The following CHURC1 variants were observed in gnomAD, a reference collection of about 807,000 sequenced individuals.
CHURC1 encodes the protein protein Churchill.
Under a neutral mutation model 15.4 loss-of-function variants are expected in CHURC1, and 12 were observed. That is an observed-to-expected ratio of 0.78 (90% CI 0.50 to 1.27). The LOEUF (loss-of-function observed/expected upper bound fraction) is 1.27. Ranked by LOEUF, CHURC1 falls within the 50% of genes most tolerant of loss-of-function variation. The probability of loss-of-function intolerance (pLI) is 0.00; values close to 1 mark genes in which losing one functional copy is unlikely to be tolerated. For missense variants in CHURC1, 132 were observed against 137.8 expected, an observed-to-expected ratio of 0.96 and a Z score of 0.21; for synonymous variants, 42 against 47.5, an observed-to-expected ratio of 0.88 and a Z score of 0.48.
chr14:64,917,994 A>C (rs1884010964), intron 1 of CHURC1, among the ~76,000 whole-genome samples: 1 of 152,254 alleles, frequency 6.6e-6, no homozygotes, highest in Non-Finnish European at 1.5e-5. Flanking sequence ...CTATGTAGAT[A>C]GATGAGTCAG....
intron 1 of CHURC1, among the ~76,000 whole-genome samples, chr14:64,916,894 A>G (rs1185888184): frequency 6.6e-6 from 1 of 152,188 alleles, no homozygotes; most frequent in African/African-American, 2.4e-5. Context: ...TGGATTCTTA[A>G]GAGTGGAGTT....
chr14:64,927,144 A>G lies in CHURC1; in HGVS notation c.246+1064A>G, dbSNP rs139606521. On this transcript the variant is annotated intron_variant, in intron 3 of 3. Transcript: ENST00000549115. ...TTCCATAGCAGAATCATAAGATAGT[A>G]AAACCCCTCTTATTCCTTATTTTAG... Among the ~76,000 whole-genome samples, 740 of 152,358 alleles carry G rather than the reference A, an allele frequency of 4.9e-3. 8 individuals carry two copies. The highest frequency in any genetic ancestry group is 0.016 in the African/African-American group (676 of 41,570).
At chr14:64,927,015 G>A (rs552763218) in intron 3 of CHURC1, among the ~76,000 whole-genome samples, 1 of 152,228 alleles carries the variant, frequency 6.6e-6, no homozygotes, top group Non-Finnish European at 1.5e-5. Flanking sequence ...CTACATATTT[G>A]TCCATAGGAT....
intron 1 of CHURC1, among the ~76,000 whole-genome samples, chr14:64,914,845 C>G (rs1241946371): frequency 1.3e-5 from 2 of 152,260 alleles, no homozygotes; most frequent in African/African-American, 4.8e-5. Flanking sequence ...CGGTCTCATC[C>G]TCAAGCTCGA....
chr14:64,914,678 C>T (rs1467991930), intron 1 of CHURC1, 144 bp downstream of exon 1: 3 of 1,462,042 alleles, frequency 2.1e-6, no homozygotes, highest in Non-Finnish European at 2.8e-6. Flanking sequence ...TTTAGGCACA[C>T]CAGGGATGGC....
intron 3 of CHURC1, chr14:64,930,781 T>C (rs1389217350): frequency 1.6e-5 from 7 of 440,958 alleles, no homozygotes; most frequent in East Asian, 7.0e-5. Context: ...CTTTTTTCCT[T>C]CTTCTTTTCC....
chr14:64,925,878 G>T, intron 2 of CHURC1, 132 bp from the exon 3 acceptor site: 1 of 541,756 alleles, frequency 1.8e-6, no homozygotes, highest in Non-Finnish European at 3.1e-6. Context: ...ATACTATAAT[G>T]GGTTTCCTCC....
In CHURC1 at chr14:64,933,875, C is replaced by G. The variant is rs1164826484; in HGVS notation, c.*1645C>G. 1.0e-5 allele frequency: 10 copies of G among 983,996 alleles called. No individual in the cohort carries two copies. The highest frequency in any genetic ancestry group is 1.2e-5 in the Non-Finnish European group (10 of 828,792). The allele number at this position is 983,996 out of a possible 1,614,324, so 61.0% of individuals were successfully genotyped here. ...TTAAGTACTTACTACATGCTAAGAG[C>G]TTTTTAAGCACTTATTTAATCCTCA... On this transcript the variant is annotated 3_prime_UTR_variant, in exon 4 of 4. Coordinates refer to ENST00000549115, the MANE Select transcript of CHURC1 (RefSeq NM_001386928.1).
chr14:64,933,686 T>A lies in CHURC1; in HGVS notation c.*1456T>A. 1 of 985,422 alleles carries A rather than the reference T, an allele frequency of 1.0e-6. No homozygotes were observed. Among genetic ancestry groups the A allele is most frequent in the Non-Finnish European group, 1.2e-6 (1 of 829,924 alleles). 61.0% of individuals were successfully genotyped at this position (985,422 alleles called of 1,614,324 possible). On this transcript the variant is annotated 3_prime_UTR_variant, in exon 4 of 4. Coordinates refer to ENST00000549115, the MANE Select transcript of CHURC1 (RefSeq NM_001386928.1). Reference sequence around the variant, plus strand: ...TTAGTGCTCATTCTGAGACCTAAATTTAAAGGGTCAGGCATTAGAAACAAA... The same window carrying A: ...TTAGTGCTCATTCTGAGACCTAAATATAAAGGGTCAGGCATTAGAAACAAA...
chr14:64,930,001 A>G (rs540769606), intron 3 of CHURC1, among the ~76,000 whole-genome samples: 2 of 151,784 alleles, frequency 1.3e-5, no homozygotes, highest in Non-Finnish European at 2.9e-5. Flanking sequence ...AGAAACTATG[A>G]GACTGCTTTC....
rs1253153031 is a variant in CHURC1 at position 64,932,728 on chromosome 14, T to G, written c.*498T>G. On this transcript the variant is annotated 3_prime_UTR_variant, in exon 4 of 4. Coordinates refer to ENST00000549115, the MANE Select transcript of CHURC1 (RefSeq NM_001386928.1). The stretch of plus-strand genomic sequence containing the variant: ...AAGGCCACAGCTGGAGCAATTTGAG[T>G]AACAAAATAAAGTAGTATTGGGTTA... 4 of 152,292 alleles carry G rather than the reference T, an allele frequency of 2.6e-5. No homozygotes were observed. Among genetic ancestry groups the G allele is most frequent in the African/African-American group, 9.7e-5 (4 of 41,360 alleles). 9.4% of individuals were successfully genotyped at this position (152,292 alleles called of 1,614,324 possible).
intron 3 of CHURC1, among the ~76,000 whole-genome samples, chr14:64,931,862 C>T (rs1041872548): frequency 6.6e-6 from 1 of 152,200 alleles, no homozygotes; most frequent in Non-Finnish European, 1.5e-5. Flanking sequence ...ACTCAAATTG[C>T]TTCATTACTT....
chr14:64,921,548 C>T (rs1220573999), intron 1 of CHURC1, among the ~76,000 whole-genome samples: 2 of 152,036 alleles, frequency 1.3e-5, no homozygotes, highest in African/African-American at 4.8e-5. Flanking sequence ...CATGAATAAG[C>T]ACCATGAAAA....
intron 1 of CHURC1, among the ~76,000 whole-genome samples, chr14:64,922,336 T>C (rs1423971203): frequency 1.3e-5 from 2 of 151,822 alleles, no homozygotes; most frequent in African/African-American, 4.8e-5. Context: ...CCCAGCACTT[T>C]GGGAGGCCGA....
chr14:64,931,073 A>G (rs745344667), intron 3 of CHURC1: 1 of 200,470 alleles, frequency 5.0e-6, no homozygotes, highest in African/African-American at 2.4e-5. Context: ...TTGACTGATC[A>G]ATTTCCAGAC....
At chr14:64,920,857 C>A (rs1416489676) in intron 1 of CHURC1, among the ~76,000 whole-genome samples, 1 of 152,152 alleles carries the variant, frequency 6.6e-6, no homozygotes, top group Middle Eastern at 3.2e-3. Context: ...CTCCAGTAGA[C>A]TTTTTTGTAA....
chr14:64,926,097 G>A lies in CHURC1; in HGVS notation c.246+17G>A. The stretch of plus-strand genomic sequence containing the variant: ...GAATTTCAGGTAAATATAAATATGG[G>A]TATAAATATAAATATGGGGAGGTTA... On this transcript the variant is annotated intron_variant, in intron 3 of 3. Transcript: ENST00000549115. The A allele has an allele frequency of 1.9e-6, 3 of 1,539,664 alleles. No individual in the cohort carries two copies. Among genetic ancestry groups the A allele is most frequent in the Non-Finnish European group, 2.7e-6 (3 of 1,129,694 alleles).
chr14:64,922,527 G>A (rs1884377359), intron 1 of CHURC1, among the ~76,000 whole-genome samples: 2 of 145,420 alleles, frequency 1.4e-5, no homozygotes, highest in East Asian at 2.0e-4. Context: ...GCAGTGAGCC[G>A]AGAGTGTGCC....
intron 1 of CHURC1, among the ~76,000 whole-genome samples, chr14:64,920,551 T>G (rs1440932927): frequency 1.3e-5 from 2 of 152,230 alleles, no homozygotes; most frequent in African/African-American, 2.4e-5. Flanking sequence ...ATCCGCTTCT[T>G]ATATACTGTA....
Sources: gnomAD v4.1 joint callset for allele counts (sites outside exome capture counted in the v4.1 genomes callset) on GRCh38, gnomAD v4.1.1 for gene constraint, MANE v1.5 for transcripts, NCBI Gene and HGNC (gene_info 2026-07-23, HGNC 2026-07-21) for gene names.